Variants in CNTN4 observed in about 807,000 individuals in gnomAD.
CNTN4 encodes the protein contactin 4, also known as contactin-4.
CNTN4 carries 77 observed loss-of-function variants against 122.5 expected under a neutral mutation model. The observed-to-expected ratio is 0.63, with a 90% confidence interval of 0.52 to 0.76. The LOEUF is 0.76. Ranked by LOEUF, CNTN4 falls within the 30% of genes least tolerant of loss-of-function variation. CNTN4 has a pLI of 0.00. For synonymous variants in CNTN4, 512 were observed against 447.0 expected (o/e 1.15, Z -1.83); for missense variants, 1,256 against 1,259.1 (o/e 1.00, Z 0.04).
chr3:2,667,718 G>C (rs6805327), intron 4 of CNTN4, among the ~76,000 whole-genome samples: 7,641 of 78,088 alleles, frequency 0.098, 634 homozygotes, highest in African/African-American at 0.14. Context: ...GGTTTTTATG[G>C]TTTTAGGTTT....
intron 4 of CNTN4, among the ~76,000 whole-genome samples, chr3:2,696,470 A>G (rs1314626978): frequency 1.3e-5 from 2 of 152,236 alleles, no homozygotes; most frequent in Non-Finnish European, 2.9e-5. Flanking sequence ...CTCTTCTGCC[A>G]TGTGAGGACA....
chr3:2,408,452 G>A (rs72622133), intron 3 of CNTN4, among the ~76,000 whole-genome samples: 4,168 of 152,276 alleles, frequency 0.027, 128 homozygotes, highest in East Asian at 0.15. Flanking sequence ...TCATTTAGGA[G>A]AAAGTCATGC....
At chr3:2,666,938 G>A (rs948817559) in intron 4 of CNTN4, among the ~76,000 whole-genome samples, 1 of 152,008 alleles carries the variant, frequency 6.6e-6, no homozygotes, top group Non-Finnish European at 1.5e-5. Flanking sequence ...TTTCATGGCT[G>A]CGTAGTATTC....
chr3:2,224,545 TA>T (rs1367352607), intron 2 of CNTN4, among the ~76,000 whole-genome samples: 16 of 152,210 alleles, frequency 1.1e-4, no homozygotes, highest in African/African-American at 3.9e-4. Context: ...AGTTGTCATA[TA>T]TTTTTGCCAT....
intron 2 of CNTN4, among the ~76,000 whole-genome samples, chr3:2,120,406 T>TATATATATATATATATA (rs1491534107): frequency 8.1e-5 from 2 of 24,574 alleles, no homozygotes; most frequent in Non-Finnish European, 1.8e-4. Context: ...TATATATATA[T>TATATATATATATATATA]TTTTTTTTTT....
chr3:2,684,394 C>CA (rs111434212), intron 4 of CNTN4, among the ~76,000 whole-genome samples: 3,949 of 151,292 alleles, frequency 0.026, 140 homozygotes, highest in African/African-American at 0.075. Context: ...CTGCTGGAAA[C>CA]AAAAAAAAGG....
At chr3:2,149,366 T>G (rs916107781) in intron 2 of CNTN4, among the ~76,000 whole-genome samples, 3 of 152,158 alleles carry the variant, frequency 2.0e-5, no homozygotes, top group Admixed American at 2.0e-4. Context: ...CAATGGCAAC[T>G]TTTAGTCTGT....
intron 8 of CNTN4, among the ~76,000 whole-genome samples, chr3:2,875,127 C>T (rs2093828977): frequency 6.6e-6 from 1 of 152,018 alleles, no homozygotes; most frequent in South Asian, 2.1e-4. Context: ...GGATTACAGG[C>T]ATGTACCACC....
chr3:2,446,497 A>C (rs2048630614), intron 3 of CNTN4, among the ~76,000 whole-genome samples: 1 of 152,136 alleles, frequency 6.6e-6, no homozygotes, highest in African/African-American at 2.4e-5. Flanking sequence ...ATTCATACCA[A>C]TTATTTTCTC....
chr3:2,879,903 G>A (rs1395952666), intron 8 of CNTN4, among the ~76,000 whole-genome samples: 1 of 152,112 alleles, frequency 6.6e-6, no homozygotes, highest in Non-Finnish European at 1.5e-5. Context: ...ACAGACAAAG[G>A]TAGAAGTTTT....
chr3:2,122,307 C>T (rs2033853582), intron 2 of CNTN4, among the ~76,000 whole-genome samples: 1 of 152,000 alleles, frequency 6.6e-6, no homozygotes, highest in Admixed American at 6.6e-5. Flanking sequence ...ATTTGTTTAT[C>T]ATTTCAGAGA....
At chr3:2,787,712 A>G (rs968053231) in intron 6 of CNTN4, among the ~76,000 whole-genome samples, 7 of 151,950 alleles carry the variant, frequency 4.6e-5, no homozygotes, top group African/African-American at 1.7e-4. Flanking sequence ...GCAATAGCGC[A>G]TACTTTGTTG....
intron 3 of CNTN4, among the ~76,000 whole-genome samples, chr3:2,347,690 G>GTT (rs879699595): frequency 0.36 from 55,257 of 151,488 alleles, 10,387 homozygotes; most frequent in African/African-American, 0.44. Flanking sequence ...AATTACAAGC[G>GTT]TGAGCCACCA....
At chr3:2,239,671 G>A (rs1008630303) in intron 2 of CNTN4, among the ~76,000 whole-genome samples, 1 of 152,082 alleles carries the variant, frequency 6.6e-6, no homozygotes, top group Non-Finnish European at 1.5e-5. Flanking sequence ...TTTTGTATTG[G>A]TAAGACTGCA....
intron 6 of CNTN4, among the ~76,000 whole-genome samples, chr3:2,758,828 G>A (rs2090457854): frequency 6.6e-6 from 1 of 150,974 alleles, no homozygotes; most frequent in African/African-American, 2.4e-5. Context: ...CTTTTTTTTA[G>A]TAACATCTTT....
At chr3:2,190,966 C>T (rs1257928250) in intron 2 of CNTN4, among the ~76,000 whole-genome samples, 2 of 152,084 alleles carry the variant, frequency 1.3e-5, no homozygotes, top group African/African-American at 4.8e-5. Flanking sequence ...TTGACTTTCA[C>T]CTCACCAGTT....
intron 3 of CNTN4, among the ~76,000 whole-genome samples, chr3:2,483,472 T>G (rs1053922112): frequency 3.3e-5 from 5 of 152,188 alleles, no homozygotes; most frequent in African/African-American, 4.8e-5. Flanking sequence ...TGGAAAGGTA[T>G]GATTGTGTTT....
intron 10 of CNTN4, among the ~76,000 whole-genome samples, chr3:2,891,758 G>T (rs376837076): frequency 7.9e-5 from 12 of 152,318 alleles, no homozygotes; most frequent in African/African-American, 1.7e-4. Flanking sequence ...GCAGTACTTT[G>T]TAAGCCAGGC....
intron 2 of CNTN4, among the ~76,000 whole-genome samples, chr3:2,187,187 C>A (rs960499027): frequency 6.6e-6 from 1 of 152,136 alleles, no homozygotes; most frequent in Non-Finnish European, 1.5e-5. Context: ...AATAGGGAAT[C>A]CTTTCCGCAT....
Sources: gnomAD v4.1 joint callset for allele counts (sites outside exome capture counted in the v4.1 genomes callset) on GRCh38, gnomAD v4.1.1 for gene constraint, MANE v1.5 for transcripts, NCBI Gene and HGNC (gene_info 2026-07-23, HGNC 2026-07-21) for gene names.